Variants in LRIG3 observed in about 807,000 individuals in gnomAD.
LRIG3 encodes the protein leucine-rich repeats and immunoglobulin-like domains protein 3.
In LRIG3, 76 loss-of-function variants were observed where a neutral mutation model predicts 114.5. That is an observed-to-expected ratio of 0.66 (90% CI 0.55 to 0.80). The LOEUF (loss-of-function observed/expected upper bound fraction) is 0.80, where lower values mean the gene tolerates loss of function less well. Ranked by LOEUF, LRIG3 falls within the 30% of genes least tolerant of loss-of-function variation. LRIG3 has a pLI of 0.00. For synonymous variants in LRIG3, 512 were observed against 519.8 expected, an observed-to-expected ratio of 0.98 and a Z score of 0.20; for missense variants, 1,239 against 1,382.8, an observed-to-expected ratio of 0.90 and a Z score of 1.65.
chr12:58,896,034 G>A (rs1871630321), intron 3 of LRIG3, among the ~76,000 whole-genome samples: 1 of 152,190 alleles, frequency 6.6e-6, no homozygotes, highest in Non-Finnish European at 1.5e-5. Context: ...CTAAGACACA[G>A]AGTGCAGACT....
At chr12:58,891,142 G>A (rs1871443780) in intron 3 of LRIG3, among the ~76,000 whole-genome samples, 1 of 151,572 alleles carries the variant, frequency 6.6e-6, no homozygotes, top group Non-Finnish European at 1.5e-5. Flanking sequence ...TAGAGACAGG[G>A]TCTCACTCTG....
rs767561505 is a variant in LRIG3, at chr12:58,878,985, C to T, written c.1922G>A (p.Gly641Asp). 4.3e-6 allele frequency: 7 copies of T among 1,614,064 alleles called. No homozygotes were observed. The highest frequency in any genetic ancestry group is 2.7e-5 in the African/African-American group (2 of 74,932). Reference protein sequence around the residue: ...APQIAWQKDGGTDFPAARERR... With the variant: ...APQIAWQKDGDTDFPAARERR... ...CTCCCGTGCAGCTGGGAAGTCTGTG[C>T]CCCCATCCTTCTGCCAGGCTATCTG... The change falls in exon 14 of 19, where the codon GGC (glycine) becomes GAC (aspartate). Residue 641 changes from glycine (G) to aspartate (D), a missense_variant. Transcript: ENST00000320743.
chr12:58,890,722 C>A lies in LRIG3; in HGVS notation c.458G>T (p.Ser153Ile). 3 of 1,606,700 alleles carry A rather than the reference C, an allele frequency of 1.9e-6. No individual in the cohort carries two copies. Among genetic ancestry groups the A allele is most frequent in the Non-Finnish European group, 2.5e-6 (3 of 1,177,016 alleles). ...EFQSLETLDL[S>I]SNNISELQTA... ...TTGGAGCTCTGAAATATTGTTGCTGCTAAGGTCCAAAGTTTCAAGGGACTG... is the reference window on the plus strand; with the variant it reads ...TTGGAGCTCTGAAATATTGTTGCTGATAAGGTCCAAAGTTTCAAGGGACTG... Residue 153 changes from serine (S) to isoleucine (I), a missense_variant, in exon 4 of 19, where the codon AGC becomes ATC. Ser to Ile is a moderately radical substitution (Grantham distance 142). Coordinates refer to ENST00000320743, the MANE Select transcript of LRIG3 (RefSeq NM_153377.5).
intron 1 of LRIG3, chr12:58,919,554 G>C (rs557643633): frequency 2.6e-6 from 4 of 1,548,894 alleles, no homozygotes; most frequent in Admixed American, 2.0e-5. Flanking sequence ...TACTGGGTGG[G>C]AACAGGAAAA....
intron 3 of LRIG3, among the ~76,000 whole-genome samples, chr12:58,894,186 C>T (rs1871554748): frequency 6.6e-6 from 1 of 152,236 alleles, no homozygotes; most frequent in Admixed American, 6.5e-5. Context: ...CTGAACTGCA[C>T]ACCTCCTAAA....
At chr12:58,902,066 C>A (rs1348755678) in intron 3 of LRIG3, among the ~76,000 whole-genome samples, 1 of 152,228 alleles carries the variant, frequency 6.6e-6, no homozygotes, top group East Asian at 1.9e-4. Flanking sequence ...TTGAAATTTA[C>A]ATGGCAACTG....
chr12:58,890,550 A>G, intron 4 of LRIG3, 115 bp downstream of exon 4: 1 of 1,004,518 alleles, frequency 1.0e-6, no homozygotes, highest in Non-Finnish European at 1.4e-6. Flanking sequence ...TCAAGTCAAT[A>G]AATTATACTT....
chr12:58,891,112 T>G (rs906770786), intron 3 of LRIG3, among the ~76,000 whole-genome samples: 3 of 151,978 alleles, frequency 2.0e-5, no homozygotes, highest in Non-Finnish European at 4.4e-5. Context: ...TTTTAAAAAT[T>G]TTTATTTATT....
chr12:58,881,832 T>C (rs1054448170), intron 12 of LRIG3, among the ~76,000 whole-genome samples: 6 of 152,206 alleles, frequency 3.9e-5, no homozygotes, highest in African/African-American at 1.4e-4. Flanking sequence ...ATTCTGAAAT[T>C]CTCATCTAAT....
intron 18 of LRIG3, among the ~76,000 whole-genome samples, chr12:58,873,128 C>T (rs1870793654): frequency 1.3e-5 from 2 of 152,166 alleles, no homozygotes; most frequent in African/African-American, 4.8e-5. Context: ...TTCCCCACAT[C>T]CTAGCTGAGA....
chr12:58,908,987 G>A (rs1028265550), intron 3 of LRIG3, among the ~76,000 whole-genome samples: 2 of 152,118 alleles, frequency 1.3e-5, no homozygotes, highest in South Asian at 4.2e-4. Context: ...GCCTGAATGT[G>A]GCAGGGCAGG....
intron 14 of LRIG3, 89 bp downstream of exon 14, chr12:58,878,735 C>T: frequency 7.0e-6 from 10 of 1,437,036 alleles, no homozygotes; most frequent in Non-Finnish European, 8.5e-6. Context: ...TCATCTCTTA[C>T]TCTCACAACT....
chr12:58,887,605 C>A (rs1871316880), intron 8 of LRIG3, among the ~76,000 whole-genome samples, 184 bp downstream of exon 8: 2 of 152,124 alleles, frequency 1.3e-5, no homozygotes, highest in Admixed American at 6.6e-5. Context: ...CCTTTTTAAT[C>A]CCTATACGAA....
intron 8 of LRIG3, 69 bp from the exon 9 acceptor site, chr12:58,886,959 C>A: frequency 8.5e-7 from 1 of 1,182,032 alleles, no homozygotes; most frequent in Non-Finnish European, 1.2e-6. Context: ...ACCCAGGTGG[C>A]ATATCATTTG....
intron 3 of LRIG3, among the ~76,000 whole-genome samples, chr12:58,911,466 C>G (rs1872272096): frequency 6.6e-6 from 1 of 152,178 alleles, no homozygotes; most frequent in Non-Finnish European, 1.5e-5. Context: ...TACACACAAG[C>G]TTTCAAACTA....
Position 58,920,003 on chromosome 12 carries a change from C to T in LRIG3, c.233G>A (p.Arg78Gln). 6.4e-7 allele frequency: 1 copy of T among 1,551,924 alleles called. No individual in the cohort carries two copies. The highest frequency in any genetic ancestry group is 1.2e-5 in the South Asian group (1 of 84,222). Residue 78 changes from arginine to glutamine, a missense_variant, in exon 1 of 19, where the codon CGG becomes CAG. Coordinates refer to ENST00000320743, the MANE Select transcript of LRIG3 (RefSeq NM_153377.5). The part of the protein sequence containing the change: ...LPEPLPSWVA[R>Q]LDLSHNRLSF... ...CCCCCGCGGGAAGAATACTTACAGC[C>T]GAGCGACCCAGGACGGGAGTGGCTC...
intron 3 of LRIG3, among the ~76,000 whole-genome samples, chr12:58,894,645 T>C (rs1289050873): frequency 2.0e-5 from 3 of 152,186 alleles, no homozygotes; most frequent in African/African-American, 7.2e-5. Flanking sequence ...AATGCCAAAC[T>C]TGATCAACAC....
chr12:58,902,293 T>C (rs1871882498), intron 3 of LRIG3, among the ~76,000 whole-genome samples: 1 of 152,160 alleles, frequency 6.6e-6, no homozygotes, highest in African/African-American at 2.4e-5. Flanking sequence ...AAAATGCTCA[T>C]TTTGATTCTA....
At chr12:58,899,892 T>C (rs569344297) in intron 3 of LRIG3, among the ~76,000 whole-genome samples, 1 of 152,226 alleles carries the variant, frequency 6.6e-6, no homozygotes, top group African/African-American at 2.4e-5. Flanking sequence ...TTCTCCAATC[T>C]CCAGTCTGGT....
Sources: allele counts gnomAD v4.1 joint callset (sites outside exome capture counted in the v4.1 genomes callset), GRCh38; gene constraint gnomAD v4.1.1; transcripts MANE v1.5; gene names NCBI Gene and HGNC (gene_info 2026-07-23, HGNC 2026-07-21).